Variants in LCK observed in about 807,000 individuals in gnomAD.
LCK encodes LCK proto-oncogene, Src family tyrosine kinase.
A neutral mutation model predicts 64.6 loss-of-function variants in LCK; 14 were observed. The ratio of observed to expected loss-of-function variants is 0.22; its 90% CI spans 0.14 to 0.34. The LOEUF is 0.34. Among genes scored for constraint, LCK ranks in the 10% least tolerant of loss-of-function variants. The pLI, the probability that LCK is intolerant of heterozygous loss-of-function variation, is 1.00. For synonymous variants in LCK, 277 were observed against 263.6 expected, an observed-to-expected ratio of 1.05 and a Z score of -0.49; for missense variants, 434 against 668.1, an observed-to-expected ratio of 0.65 and a Z score of 3.86.
chr1:32,274,046 A>C (rs1173413265), intron 1 of LCK: 1 of 514,464 alleles, frequency 1.9e-6, no homozygotes, highest in African/African-American at 1.9e-5. Flanking sequence ...AACTAGACTA[A>C]CAAAGGTGCC....
At chr1:32,273,035 C>T (rs1016768496) in intron 1 of LCK, among the ~76,000 whole-genome samples, 7 of 127,712 alleles carry the variant, frequency 5.5e-5, no homozygotes, top group South Asian at 2.7e-4. Flanking sequence ...GGTGTGTGGA[C>T]GAGTGTGTGT....
chr1:32,278,221 G>A (rs980129351), intron 9 of LCK, among the ~76,000 whole-genome samples: 6 of 152,258 alleles, frequency 3.9e-5, no homozygotes, highest in South Asian at 2.1e-4. Context: ...TATAGTAACT[G>A]ATCAATAAGT....
At chr1:32,260,369 C>T (rs1174342670) in intron 1 of LCK, among the ~76,000 whole-genome samples, 4 of 152,072 alleles carry the variant, frequency 2.6e-5, no homozygotes, top group African/African-American at 9.7e-5. Context: ...TGGTCTTGAA[C>T]TTCTGAGCTC....
At chr1:32,270,250 CT>C (rs1195979098) in intron 1 of LCK, among the ~76,000 whole-genome samples, 2,251 of 126,650 alleles carry the variant, frequency 0.018, 26 homozygotes, top group African/African-American at 0.06. Context: ...GCCCAGCTAA[CT>C]TTTTTTTTTT....
intron 12 of LCK, among the ~76,000 whole-genome samples, chr1:32,284,979 A>G (rs1245784997): frequency 6.9e-6 from 1 of 145,232 alleles, no homozygotes; most frequent in African/African-American, 2.6e-5. Context: ...TGGGCAACAT[A>G]GTGAGATCCC....
At position 32,274,832 on chromosome 1, in the gene LCK, G is replaced by T. The variant is rs1396623894; in HGVS notation, c.187+14G>T. ...CCCCACTGCAAGGTGACCCCAGGCA[G>T]CAGGGCCTGAAAGACAAGGCCTGCG... On this transcript the variant is annotated intron_variant, in intron 3 of 12. Transcript: ENST00000336890. 9 of 1,613,860 alleles carry T rather than the reference G, an allele frequency of 5.6e-6. No homozygotes were observed. Among genetic ancestry groups the T allele is most frequent in the Non-Finnish European group, 7.6e-6 (9 of 1,179,942 alleles).
chr1:32,268,309 A>G (rs554389703), intron 1 of LCK, among the ~76,000 whole-genome samples: 17 of 152,098 alleles, frequency 1.1e-4, no homozygotes, highest in Admixed American at 2.0e-4. Flanking sequence ...TATTATTATT[A>G]TTCATTTATT....
At chr1:32,258,616 T>TTCTACTAAAAAACATGTC (rs1639686507) in intron 1 of LCK, among the ~76,000 whole-genome samples, 1 of 149,624 alleles carries the variant, frequency 6.7e-6, no homozygotes, top group African/African-American at 2.5e-5. Flanking sequence ...TAAAATTAGT[T>TTCTACTAAAAAACATGTC]TCTACTAAAA....
chr1:32,252,985 C>A (rs1422437908), intron 1 of LCK, among the ~76,000 whole-genome samples: 3 of 152,140 alleles, frequency 2.0e-5, no homozygotes, highest in African/African-American at 7.2e-5. Context: ...CAGAGACAGG[C>A]CGACCCAGTC....
intron 1 of LCK, among the ~76,000 whole-genome samples, chr1:32,259,839 TA>T (rs1385287981): frequency 6.6e-6 from 1 of 151,482 alleles, no homozygotes; most frequent in Admixed American, 6.6e-5. Flanking sequence ...TAAAATAAAA[TA>T]AAGAAAGAAA....
intron 12 of LCK, 22 bp downstream of exon 12, chr1:32,280,232 T>C (rs372371693): frequency 4.3e-6 from 7 of 1,613,418 alleles, no homozygotes; most frequent in African/African-American, 1.3e-5. Context: ...GGGCAGGAAC[T>C]GAAAGGGTGA....
intron 1 of LCK, among the ~76,000 whole-genome samples, chr1:32,261,358 C>T (rs533072196): frequency 1.3e-5 from 2 of 150,946 alleles, no homozygotes; most frequent in Non-Finnish European, 2.9e-5. Context: ...AGAGATTCTC[C>T]TGCTGGCCGG....
At chr1:32,272,791 T>A (rs1640129395) in intron 1 of LCK, among the ~76,000 whole-genome samples, 1 of 148,874 alleles carries the variant, frequency 6.7e-6, no homozygotes, top group Non-Finnish European at 1.5e-5. Context: ...GGTGCCTGTG[T>A]GTGGGTGTTT....
In LCK at chr1:32,275,331, T is replaced by C. The variant is rs911037520; in HGVS notation, c.289T>C (p.Trp97Arg). Residue 97 changes from tryptophan (W) to arginine (R), a missense_variant, in exon 5 of 13, where the codon TGG becomes CGG. By Grantham distance (101) the Trp-to-Arg change is moderately radical. Transcript: ENST00000336890. The surrounding 1 kb of genome is among the most constrained non-coding windows in gnomAD (Gnocchi z 6.9). The stretch of plus-strand genomic sequence containing the variant: ...ACCTCCGTGGCGCAGGAGCGGCGAG[T>C]GGTGGAAGGCGCAGTCCCTGACCAC... Reference protein sequence around the residue: ...QLRILEQSGEWWKAQSLTTGQ... With the variant: ...QLRILEQSGERWKAQSLTTGQ... 6.2e-7 allele frequency: 1 copy of C among 1,613,730 alleles called. No homozygotes were observed. Among genetic ancestry groups the C allele is most frequent in the Non-Finnish European group, 8.5e-7 (1 of 1,179,932 alleles).
At position 32,279,764 on chromosome 1, in the gene LCK, G is replaced by A. The variant is rs375069054; in HGVS notation, c.1041+17G>A. On this transcript the variant is annotated intron_variant, in intron 10 of 12. Coordinates refer to ENST00000336890, the MANE Select transcript of LCK (RefSeq NM_005356.5). ...GCAGCCCAAGTAAGGAGACTGGGGA[G>A]GGGGGCTGGGCAAGGGAACAGACCA... The A allele has an allele frequency of 1.2e-6, 2 of 1,609,250 alleles. No individual in the cohort carries two copies. Among genetic ancestry groups the A allele is most frequent in the Non-Finnish European group, 8.5e-7 (1 of 1,176,064 alleles).
At chr1:32,260,209 C>T (rs989609768) in intron 1 of LCK, among the ~76,000 whole-genome samples, 18 of 152,002 alleles carry the variant, frequency 1.2e-4, no homozygotes, top group Non-Finnish European at 2.2e-4. Flanking sequence ...GATGAGGTTT[C>T]GCCATGTTGG....
rs749226778 is a variant in LCK, at chr1:32,275,009, T to C, written c.204T>C (p.Ala68=). ...TCTTTACAGACAACCTGGTTATCGC[T>C]CTGCACAGCTATGAGCCCTCTCACG... is the stretch of plus-strand genomic sequence containing the variant. The part of the protein sequence containing the change: ...ASPLQDNLVI[A]LHSYEPSHDG... The change falls in exon 4 of 13, where the codon GCT becomes GCC. Residue 68 remains alanine, a synonymous_variant. Transcript: ENST00000336890. This position sits in a 1 kb window ranked among gnomAD's most constrained non-coding sequence, Gnocchi z 6.9. 7 of 1,614,056 alleles carry C rather than the reference T, an allele frequency of 4.3e-6. No individual in the cohort carries two copies. Among genetic ancestry groups the C allele is most frequent in the Non-Finnish European group, 5.1e-6 (6 of 1,180,032 alleles).
chr1:32,263,101 A>G (rs1639821818), intron 1 of LCK, among the ~76,000 whole-genome samples: 1 of 152,162 alleles, frequency 6.6e-6, no homozygotes, highest in African/African-American at 2.4e-5. Context: ...TGATTATAAA[A>G]AGGCCACAGG....
At chr1:32,281,259 C>A (rs1163433579) in intron 12 of LCK, among the ~76,000 whole-genome samples, 1 of 147,860 alleles carries the variant, frequency 6.8e-6, no homozygotes, top group Non-Finnish European at 1.5e-5. Context: ...AAAAGAGAGA[C>A]TCCATCTCTA....
Sources: allele counts gnomAD v4.1 joint callset (sites outside exome capture counted in the v4.1 genomes callset), GRCh38; gene constraint gnomAD v4.1.1; non-coding constraint Gnocchi (gnomAD v3.1); transcripts MANE v1.5; gene names NCBI Gene and HGNC (gene_info 2026-07-23, HGNC 2026-07-21).